PIP5K1C: variants seen among roughly 807,000 people sequenced by gnomAD.
The protein encoded by PIP5K1C is phosphatidylinositol-4-phosphate 5-kinase type 1 gamma.
A neutral mutation model predicts 80.1 loss-of-function variants in PIP5K1C; 45 were observed. The ratio of observed to expected loss-of-function variants is 0.56; its 90% CI spans 0.44 to 0.72. PIP5K1C has a LOEUF of 0.72. PIP5K1C is among the 30% of genes least tolerant of loss of function. The probability of loss-of-function intolerance (pLI) is 0.00; values close to 1 mark genes in which losing one functional copy is unlikely to be tolerated. For missense variants in PIP5K1C, 753 were observed against 954.6 expected (o/e 0.79, Z 2.78); for synonymous variants, 498 against 420.1 (o/e 1.19, Z -2.27).
chr19:3,697,016 G>GAGGAGGACCGAGCTGGACAA (rs1568366338), intron 1 of PIP5K1C, among the ~76,000 whole-genome samples: 10 of 151,654 alleles, frequency 6.6e-5, no homozygotes, highest in Non-Finnish European at 1.5e-4. Flanking sequence ...GAGCTGGACC[G>GAGGAGGACCGAGCTGGACAA]AGGAGGACCG....
intron 4 of PIP5K1C, 53 bp from the exon 5 acceptor site, chr19:3,661,136 C>T: frequency 3.3e-6 from 4 of 1,202,322 alleles, no homozygotes; most frequent in South Asian, 1.2e-5. Context: ...CACCTCTCCC[C>T]CACCCCCGCC....
chr19:3,633,271 CTT>C lies in PIP5K1C; in HGVS notation c.2005-104_2005-103del. On this transcript the variant is annotated intron_variant, in intron 17 of 17. Coordinates refer to ENST00000335312, the MANE Select transcript of PIP5K1C (RefSeq NM_012398.3). ...TTGGGCCAACACAGGCCCTGAGACA[CTT>C]AGCCCACGGCCACCTCAGAGCCAGA... 5 of 691,268 alleles carry C rather than the reference CTT, an allele frequency of 7.2e-6. No homozygotes were observed. In the South Asian group the frequency reaches 8.2e-5, roughly 11 times the overall value. The allele number at this position is 691,268 out of a possible 1,614,324, so 42.8% of individuals were successfully genotyped here. A position where few individuals can be genotyped will look rare whatever the true frequency, so the allele number is the denominator to read the frequency against.
chr19:3,639,846 C>T (rs926033098), intron 15 of PIP5K1C, among the ~76,000 whole-genome samples: 9 of 152,286 alleles, frequency 5.9e-5, no homozygotes, highest in African/African-American at 1.4e-4. Context: ...GTTGCATTTG[C>T]GGAAACGGAG....
intron 4 of PIP5K1C, 102 bp from the exon 5 acceptor site, chr19:3,661,185 C>T (rs1032731432): frequency 1.4e-4 from 106 of 741,894 alleles, no homozygotes; most frequent in African/African-American, 1.1e-3. Context: ...GAGCCTCTAG[C>T]GGCTCAGCTC....
At chr19:3,660,544 A>T (rs1187908373) in intron 5 of PIP5K1C, among the ~76,000 whole-genome samples, 1 of 152,194 alleles carries the variant, frequency 6.6e-6, no homozygotes, top group African/African-American at 2.4e-5. Flanking sequence ...CCATGGCTAG[A>T]GCTAGGAGGT....
At chr19:3,651,055 GTTTT>G (rs60438258) in intron 8 of PIP5K1C, among the ~76,000 whole-genome samples, 1 of 127,292 alleles carries the variant, frequency 7.9e-6, no homozygotes, top group East Asian at 2.3e-4. Flanking sequence ...CGCGCCCAGC[GTTTT>G]TTTTTTTTTT....
rs989721505 is a variant in PIP5K1C at position 3,648,475 on chromosome 19, C to T, written c.1211+150G>A. 28 of 784,726 alleles carry T rather than the reference C, an allele frequency of 3.6e-5. No individual in the cohort carries two copies. The highest frequency in any genetic ancestry group is 5.8e-5 in the Non-Finnish European group (26 of 451,866). The allele number at this position is 784,726 out of a possible 1,614,324, so 48.6% of individuals were successfully genotyped here. On this transcript the variant is annotated intron_variant, in intron 9 of 17. Transcript: ENST00000335312. This position sits in a 1 kb window ranked among gnomAD's most constrained non-coding sequence, Gnocchi z 4.3. ...TCTGTGCATGGGTGTCCTGGGGGCG[C>T]CCATCCACCTGTGGGACTGCAGACC...
intron 16 of PIP5K1C, among the ~76,000 whole-genome samples, chr19:3,633,892 A>T (rs1026875274): frequency 1.3e-5 from 2 of 151,978 alleles, no homozygotes; most frequent in African/African-American, 4.8e-5. Context: ...ACAGCCCCCA[A>T]TCCTGCCTGT....
At chr19:3,652,341 A>T (rs2034482980) in intron 7 of PIP5K1C, among the ~76,000 whole-genome samples, 1 of 152,222 alleles carries the variant, frequency 6.6e-6, no homozygotes, top group South Asian at 2.1e-4. Flanking sequence ...AGCCGGGCCT[A>T]TGCTCTGACC....
chr19:3,680,806 C>T (rs1299366499), intron 1 of PIP5K1C, among the ~76,000 whole-genome samples: 1 of 152,154 alleles, frequency 6.6e-6, no homozygotes, highest in African/African-American at 2.4e-5. Flanking sequence ...TTGAGCGTGG[C>T]CCTGGGGGTG....
chr19:3,667,811 G>A (rs1305702034), intron 1 of PIP5K1C, among the ~76,000 whole-genome samples: 1 of 152,244 alleles, frequency 6.6e-6, no homozygotes, highest in African/African-American at 2.4e-5. Flanking sequence ...CTTCCTCGGA[G>A]GCAGGCGCCA....
At chr19:3,697,977 A>G (rs931385746) in intron 1 of PIP5K1C, among the ~76,000 whole-genome samples, 5 of 152,244 alleles carry the variant, frequency 3.3e-5, no homozygotes, top group African/African-American at 1.2e-4. Context: ...CACCAACGAG[A>G]CATTGCTTTG....
At chr19:3,670,069 G>C (rs1372999585) in intron 1 of PIP5K1C, among the ~76,000 whole-genome samples, 1 of 150,302 alleles carries the variant, frequency 6.7e-6, no homozygotes, top group Non-Finnish European at 1.5e-5. Context: ...GGTGGGGAGG[G>C]GACTGCGGTC....
intron 1 of PIP5K1C, among the ~76,000 whole-genome samples, chr19:3,686,703 A>G (rs911899066): frequency 1.3e-5 from 2 of 151,858 alleles, no homozygotes; most frequent in African/African-American, 4.8e-5. Flanking sequence ...GGGCAACAGG[A>G]GCGAAACTCC....
intron 1 of PIP5K1C, among the ~76,000 whole-genome samples, chr19:3,690,740 C>A (rs1208207017): frequency 6.6e-6 from 1 of 152,142 alleles, no homozygotes; most frequent in Non-Finnish European, 1.5e-5. Context: ...GCTGCCATAA[C>A]AAATAAAGAG....
chr19:3,643,957 AG>A (rs1489406169), intron 12 of PIP5K1C, 129 bp downstream of exon 12: 2 of 1,098,394 alleles, frequency 1.8e-6, no homozygotes, highest in Non-Finnish European at 2.6e-6. Flanking sequence ...CTCCCTGGGC[AG>A]GCGGCCCTGC....
At chr19:3,665,954 A>ACCCCTG (rs934063247) in intron 2 of PIP5K1C, among the ~76,000 whole-genome samples, 7 of 151,606 alleles carry the variant, frequency 4.6e-5, no homozygotes, top group African/African-American at 7.3e-5. Context: ...TGCAGCCCTG[A>ACCCCTG]CCCCTGCCCC....
At chr19:3,675,219 G>A (rs1039257990) in intron 1 of PIP5K1C, among the ~76,000 whole-genome samples, 6 of 152,326 alleles carry the variant, frequency 3.9e-5, no homozygotes, top group African/African-American at 1.4e-4. Flanking sequence ...GTTGCAATAA[G>A]TAAGCAGTAA....
chr19:3,672,875 G>A (rs1239376902), intron 1 of PIP5K1C, among the ~76,000 whole-genome samples: 1 of 150,832 alleles, frequency 6.6e-6, no homozygotes, highest in Non-Finnish European at 1.5e-5. Flanking sequence ...GGAGGAGAAA[G>A]CCCCAGCCCT....
Sources: gnomAD v4.1 joint callset for allele counts (sites outside exome capture counted in the v4.1 genomes callset) on GRCh38, gnomAD v4.1.1 for gene constraint, Gnocchi (gnomAD v3.1) non-coding constraint, MANE v1.5 for transcripts, NCBI Gene and HGNC (gene_info 2026-07-23, HGNC 2026-07-21) for gene names.